PCDHGB2: variants seen among roughly 807,000 people sequenced by gnomAD.
The protein encoded by PCDHGB2 is protocadherin gamma subfamily B, 2.
In PCDHGB2, 55 loss-of-function variants were observed where a neutral mutation model predicts 59.3. The observed-to-expected ratio is 0.93, with a 90% CI of 0.75 to 1.16. The LOEUF is 1.16. Ranked by LOEUF, PCDHGB2 falls within the 50% of genes most tolerant of loss-of-function variation. The pLI is 0.00. For missense variants in PCDHGB2, 1,228 were observed against 1,198.5 expected, an observed-to-expected ratio of 1.02 and a Z score of -0.36; for synonymous variants, 516 against 512.0, an observed-to-expected ratio of 1.01 and a Z score of -0.11.
chr5:141,435,104 G>A (rs1009839042), intron 1 of PCDHGB2, among the ~76,000 whole-genome samples: 1 of 151,968 alleles, frequency 6.6e-6, no homozygotes, highest in Non-Finnish European at 1.5e-5. Flanking sequence ...TTATCTAGGG[G>A]GGAGAAATCT....
At position 141,487,148 on chromosome 5, in the gene PCDHGB2, G is replaced by A; in HGVS notation, c.2422-7659G>A. ...TGGTAGTCCACCACTCTCTACCTCT[G>A]TTACTCTCTTAGTGTCCTTAGAGGA... On this transcript the variant is annotated intron_variant, in intron 1 of 3. Transcript: ENST00000522605. This position sits in a 1 kb window ranked among gnomAD's most constrained non-coding sequence, Gnocchi z 5.0. The A allele has an allele frequency of 6.2e-7, 1 of 1,614,042 alleles. No homozygotes were observed. The highest frequency in any genetic ancestry group is 8.5e-7 in the Non-Finnish European group (1 of 1,179,922).
chr5:141,369,665 A>T (rs1322092427), intron 1 of PCDHGB2, among the ~76,000 whole-genome samples: 1 of 152,242 alleles, frequency 6.6e-6, no homozygotes, highest in Non-Finnish European at 1.5e-5. Context: ...AAGATAAAAG[A>T]GAAGAAAGTG....
rs1485856773 is a variant in PCDHGB2, at chr5:141,372,043, T to A, written c.2421+9487T>A. ...CTCAGCGCCAACGTGAGCCTGCGCG[T>A]GTTGGTGGACGACCGCAACGACAAT... On this transcript the variant is annotated intron_variant, in intron 1 of 3. Coordinates refer to ENST00000522605, the MANE Select transcript of PCDHGB2 (RefSeq NM_018923.3). The A allele has an allele frequency of 1.9e-6, 3 of 1,613,326 alleles. No individual in the cohort carries two copies. The highest frequency in any genetic ancestry group is 1.7e-5 in the Admixed American group (1 of 59,994).
Position 141,422,436 on chromosome 5 carries a change from C to T in PCDHGB2, c.2421+59880C>T, listed in dbSNP as rs200737047. The T allele has an allele frequency of 1.2e-5, 20 of 1,609,634 alleles. No homozygotes were observed. The East Asian group carries it at 4.0e-4, about 32-fold the overall frequency. On this transcript the variant is annotated intron_variant, in intron 1 of 3. Coordinates refer to ENST00000522605, the MANE Select transcript of PCDHGB2 (RefSeq NM_018923.3). The stretch of plus-strand genomic sequence containing the variant: ...TAGAAAAGACTTATGGAAATTATTA[C>T]AAATTGATAACAAGCAGAGTGCTGG...
chr5:141,421,569 C>T (rs1029858235), intron 1 of PCDHGB2: 2 of 1,613,884 alleles, frequency 1.2e-6, no homozygotes, highest in Non-Finnish European at 1.7e-6. Flanking sequence ...TGGAAGACAC[C>T]TTGAAGATTT....
At chr5:141,464,300 A>T (rs1349155102) in intron 1 of PCDHGB2, among the ~76,000 whole-genome samples, 2 of 149,898 alleles carry the variant, frequency 1.3e-5, no homozygotes, top group African/African-American at 4.9e-5. Flanking sequence ...ACTCCATTGT[A>T]TGTGCACATA....
In PCDHGB2 at chr5:141,501,310, C is replaced by T. The variant is rs958976594; in HGVS notation, c.2481-4083C>T. ...CCTTATACACACACACACACACACA[C>T]ACACACACACACACACACACACACC... On this transcript the variant is annotated intron_variant, in intron 2 of 3. Transcript: ENST00000522605. Among the ~76,000 whole-genome samples, 4 of 151,684 alleles carry T rather than the reference C, an allele frequency of 2.6e-5. No individual in the cohort carries two copies. The South Asian group carries it at 8.3e-4, about 32-fold the overall frequency.
chr5:141,397,972 G>A lies in PCDHGB2; in HGVS notation c.2421+35416G>A. 2.6e-6 allele frequency: 3 copies of A among 1,155,562 alleles called. No homozygotes were observed. In the South Asian group the frequency reaches 4.9e-5, roughly 19 times the overall value. The allele number at this position is 1,155,562 out of a possible 1,614,324, so 71.6% of individuals were successfully genotyped here. A position where few individuals can be genotyped will look rare whatever the true frequency, so the allele number is the denominator to read the frequency against. On this transcript the variant is annotated intron_variant, in intron 1 of 3. Transcript: ENST00000522605. ...GCAGCCCCAGCTCAGACTCCCCAGC[G>A]CCGGCCTTTACACCGCTTCCTCCTC...
chr5:141,394,803 G>A lies in PCDHGB2; in HGVS notation c.2421+32247G>A, dbSNP rs143444747. The A allele has an allele frequency of 2.5e-6, 4 of 1,613,844 alleles. No homozygotes were observed. In the African/African-American group the frequency reaches 4.0e-5, roughly 16 times the overall value. On this transcript the variant is annotated intron_variant, in intron 1 of 3. Coordinates refer to ENST00000522605, the MANE Select transcript of PCDHGB2 (RefSeq NM_018923.3). Reference sequence around the variant, plus strand: ...CGCCACTGTCACGCTCACCGTAGCCGTGGCTGACAGCATCCCCGAAGTCCT... The same window carrying A: ...CGCCACTGTCACGCTCACCGTAGCCATGGCTGACAGCATCCCCGAAGTCCT...
chr5:141,373,437 C>A (rs1769581564), intron 1 of PCDHGB2, among the ~76,000 whole-genome samples: 1 of 152,194 alleles, frequency 6.6e-6, no homozygotes. Flanking sequence ...GTGGGAGGAT[C>A]CCTTGATCCC....
intron 1 of PCDHGB2, chr5:141,409,596 AC>A: frequency 6.2e-7 from 1 of 1,613,714 alleles, no homozygotes; most frequent in Non-Finnish European, 8.5e-7. Flanking sequence ...GCCGAGAACA[AC>A]CCGCCAGGAG....
intron 1 of PCDHGB2, chr5:141,408,127 G>A (rs1017651550): frequency 2.0e-6 from 3 of 1,480,258 alleles, no homozygotes; most frequent in African/African-American, 2.8e-5. Context: ...GTCCTGGGCC[G>A]AATGCTCTTT....
intron 1 of PCDHGB2, among the ~76,000 whole-genome samples, chr5:141,482,530 C>CAAAAAAAAA (rs3074545): frequency 5.2e-4 from 40 of 76,506 alleles, no homozygotes; most frequent in African/African-American, 1.4e-3. Context: ...GACAGACATG[C>CAAAAAAAAA]AAAAAAAAAA....
At chr5:141,404,192 A>G in intron 1 of PCDHGB2, 1 of 1,613,574 alleles carries the variant, frequency 6.2e-7, no homozygotes. Flanking sequence ...TGACCGAGAA[A>G]AAGCCTCAGA....
intron 1 of PCDHGB2, 47 bp downstream of exon 1, chr5:141,362,603 C>A: frequency 6.4e-7 from 1 of 1,572,606 alleles, no homozygotes; most frequent in Non-Finnish European, 8.6e-7. Context: ...ATTGTTTCAC[C>A]TAATTTGGGT....
At position 141,360,901 on chromosome 5, in the gene PCDHGB2, C is replaced by A. The variant is rs375994239; in HGVS notation, c.766C>A (p.Pro256Thr). The change falls in exon 1 of 4, where the codon CCG (proline) becomes ACG (threonine). Residue 256 changes from proline to threonine, a missense_variant. Transcript: ENST00000522605. ...VYRVTLREDV[P>T]PGFFVLQVTA... ...CAGGGTCACCCTGAGGGAGGACGTG[C>A]CGCCGGGCTTCTTTGTGCTTCAAGT... is the stretch of plus-strand genomic sequence containing the variant. 1.9e-6 allele frequency: 3 copies of A among 1,614,024 alleles called. No individual in the cohort carries two copies. Among genetic ancestry groups the A allele is most frequent in the Non-Finnish European group, 2.5e-6 (3 of 1,179,896 alleles).
At chr5:141,408,605 A>G (rs1374368607) in intron 1 of PCDHGB2, 1 of 1,614,060 alleles carries the variant, frequency 6.2e-7, no homozygotes, top group South Asian at 1.1e-5. Flanking sequence ...TCAATTTGAT[A>G]AAAAGGAAAT....
intron 1 of PCDHGB2, 108 bp from the exon 2 acceptor site, chr5:141,494,699 T>G: frequency 6.3e-7 from 1 of 1,592,240 alleles, no homozygotes; most frequent in East Asian, 2.3e-5. Context: ...GTCCGTTTTC[T>G]TCTCTGTGCC....
intron 1 of PCDHGB2, chr5:141,364,974 T>C (rs755409808): frequency 1.9e-6 from 3 of 1,613,888 alleles, no homozygotes; most frequent in Admixed American, 1.7e-5. Flanking sequence ...CTCACAGCTT[T>C]AGATGGCGGA....
Sources: allele counts gnomAD v4.1 joint callset (sites outside exome capture counted in the v4.1 genomes callset), GRCh38; gene constraint gnomAD v4.1.1; non-coding constraint Gnocchi (gnomAD v3.1); transcripts MANE v1.5; gene names NCBI Gene and HGNC (gene_info 2026-07-23, HGNC 2026-07-21).